Variants in GFRA3 observed in about 807,000 individuals in gnomAD.
GFRA3 encodes GDNF family receptor alpha 3, also known as GDNF family receptor alpha-3.
Under a neutral mutation model 40.0 loss-of-function variants are expected in GFRA3, and 24 were observed. The observed-to-expected ratio is 0.60, with a 90% CI of 0.43 to 0.84. The LOEUF (loss-of-function observed/expected upper bound fraction) is 0.84, where lower values mean the gene tolerates loss of function less well. Among genes scored for constraint, GFRA3 ranks in the 40% least tolerant of loss-of-function variants. The pLI, the probability that GFRA3 is intolerant of heterozygous loss-of-function variation, is 0.00. For missense variants in GFRA3, 405 were observed against 530.6 expected (o/e 0.76, Z 2.33); for synonymous variants, 203 against 213.5 (o/e 0.95, Z 0.43).
intron 2 of GFRA3, among the ~76,000 whole-genome samples, chr5:138,262,458 C>T (rs902955741): frequency 2.0e-5 from 3 of 152,044 alleles, no homozygotes; most frequent in African/African-American, 7.2e-5. Flanking sequence ...TTCATTCATT[C>T]ATTTATTTAT....
chr5:138,272,284 G>A (rs1031838277), intron 1 of GFRA3, among the ~76,000 whole-genome samples: 1 of 151,250 alleles, frequency 6.6e-6, no homozygotes, highest in Non-Finnish European at 1.5e-5. Context: ...GGGATTACAG[G>A]TGTGAGCCAC....
chr5:138,268,833 G>C (rs1287376976), intron 1 of GFRA3, among the ~76,000 whole-genome samples: 1 of 151,114 alleles, frequency 6.6e-6, no homozygotes, highest in South Asian at 2.1e-4. Flanking sequence ...GCTGAGGCAG[G>C]AGAATGGTGT....
rs1341063274 is a variant in GFRA3 at position 138,274,613 on chromosome 5, C to T, written c.-189G>A. 1.8e-5 allele frequency: 22 copies of T among 1,218,240 alleles called. No individual in the cohort carries two copies. Among genetic ancestry groups the T allele is most frequent in the Non-Finnish European group, 2.2e-5 (22 of 979,822 alleles). The allele number at this position is 1,218,240 out of a possible 1,614,324, so 75.5% of individuals were successfully genotyped here. A position where few individuals can be genotyped will look rare whatever the true frequency, so the allele number is the denominator to read the frequency against. On this transcript the variant is annotated 5_prime_UTR_variant, in exon 1 of 8. Coordinates refer to ENST00000274721, the MANE Select transcript of GFRA3 (RefSeq NM_001496.4). Reference sequence around the variant, plus strand: ...GCGCGTCCACACCACGCGCCTCCAGCGCTGGTCCGAGGGACCGCGGGGGTG... The same window carrying T: ...GCGCGTCCACACCACGCGCCTCCAGTGCTGGTCCGAGGGACCGCGGGGGTG...
chr5:138,259,776 A>AGCT, intron 2 of GFRA3, 127 bp from the exon 3 acceptor site: 4 of 701,132 alleles, frequency 5.7e-6, no homozygotes, highest in Non-Finnish European at 1.1e-5. Context: ...CTACCTAACC[A>AGCT]GCTGCAAGCT....
At chr5:138,273,303 A>T (rs1251839337) in intron 1 of GFRA3, among the ~76,000 whole-genome samples, 1 of 152,194 alleles carries the variant, frequency 6.6e-6, no homozygotes, top group African/African-American at 2.4e-5. Context: ...ACTTAACCAG[A>T]TGTCATTGCT....
In GFRA3 at chr5:138,265,956, G is replaced by A. The variant is rs573853119; in HGVS notation, c.92-1408C>T. Among the ~76,000 whole-genome samples the A allele has an allele frequency of 2.3e-4, 35 of 151,838 alleles. No individual in the cohort carries two copies. In the South Asian group the frequency reaches 6.0e-3, roughly 26 times the overall value. On this transcript the variant is annotated intron_variant, in intron 1 of 7. Transcript: ENST00000274721. ...GATGATCTGCCTGCCTTGGCCTCCC[G>A]AAGTGCTGGGATTACAGGCATGAGC...
At chr5:138,253,423 T>A in intron 6 of GFRA3, 48 bp from the exon 7 acceptor site, 1 of 1,182,894 alleles carries the variant, frequency 8.5e-7, no homozygotes, top group Non-Finnish European at 1.2e-6. Context: ...GGGCAGGAGA[T>A]TTCTCAGGCT....
At position 138,274,619 on chromosome 5, in the gene GFRA3, T is replaced by G; in HGVS notation, c.-195A>C. On this transcript the variant is annotated 5_prime_UTR_variant, in exon 1 of 8. Coordinates refer to ENST00000274721, the MANE Select transcript of GFRA3 (RefSeq NM_001496.4). The stretch of plus-strand genomic sequence containing the variant: ...CCACACCACGCGCCTCCAGCGCTGG[T>G]CCGAGGGACCGCGGGGGTGGGGGCG... 4 of 1,196,602 alleles carry G rather than the reference T, an allele frequency of 3.3e-6. No homozygotes were observed. The highest frequency in any genetic ancestry group is 2.1e-6 in the Non-Finnish European group (2 of 967,150). 74.1% of individuals were successfully genotyped at this position (1,196,602 alleles called of 1,614,324 possible).
chr5:138,261,877 C>T (rs938265039), intron 2 of GFRA3, among the ~76,000 whole-genome samples: 8 of 151,902 alleles, frequency 5.3e-5, no homozygotes, highest in Admixed American at 2.6e-4. Context: ...ATCTCTCAGT[C>T]GATTAAGATG....
chr5:138,274,236 G>C, intron 1 of GFRA3, 98 bp downstream of exon 1: 4 of 1,292,446 alleles, frequency 3.1e-6, no homozygotes, highest in Non-Finnish European at 3.9e-6. Context: ...TGCACCGGGA[G>C]GCTGCTGCGC....
At chr5:138,257,464 A>G (rs551277358) in intron 4 of GFRA3, among the ~76,000 whole-genome samples, 175 bp downstream of exon 4, 2 of 152,342 alleles carry the variant, frequency 1.3e-5, no homozygotes, top group African/African-American at 4.8e-5. Flanking sequence ...AAAAAAAGAC[A>G]TATATTCTTT....
chr5:138,270,214 A>AG (rs1213686891), intron 1 of GFRA3, among the ~76,000 whole-genome samples: 1 of 150,628 alleles, frequency 6.6e-6, no homozygotes, highest in Non-Finnish European at 1.5e-5. Context: ...ACAAAAAAAA[A>AG]AAAAAAAAAA....
At chr5:138,263,209 C>T (rs1342608310) in intron 2 of GFRA3, among the ~76,000 whole-genome samples, 3 of 152,042 alleles carry the variant, frequency 2.0e-5, no homozygotes, top group Non-Finnish European at 2.9e-5. Flanking sequence ...TCAAGTGATC[C>T]GCCTGCCTTG....
chr5:138,256,321 G>C (rs1041403997), intron 4 of GFRA3, among the ~76,000 whole-genome samples: 63 of 151,422 alleles, frequency 4.2e-4, no homozygotes, highest in Non-Finnish European at 8.1e-4. Flanking sequence ...GAGGTTAGGA[G>C]ATGGAGATCA....
rs750661782 is a variant in GFRA3, at chr5:138,253,836, G to T, written c.954C>A (p.Cys318Ter). 6.2e-7 allele frequency: 1 copy of T among 1,613,970 alleles called. No homozygotes were observed. The highest frequency in any genetic ancestry group is 8.5e-7 in the Non-Finnish European group (1 of 1,179,856). Reference sequence around the variant, plus strand: ...CCTCCTGCAGGTTGCCACTGCCTCGGCAGGTGCAGCTTAAGGCAACACTGG... The same window carrying T: ...CCTCCTGCAGGTTGCCACTGCCTCGTCAGGTGCAGCTTAAGGCAACACTGG... Reference protein sequence around the residue: ...VNTSVALSCTCRGSGNLQEEC... With the variant: ...VNTSVALSCT The change falls in exon 6 of 8, where the codon TGC becomes TGA. Residue 318 changes from cysteine to a stop codon, truncating the protein, a stop_gained. Transcript: ENST00000274721. LOFTEE classifies it high-confidence loss of function.
Position 138,259,659 on chromosome 5 carries a change from AG to A in GFRA3, c.380-11del. Reference sequence around the variant, plus strand: ...TCCAGCTCATAGTTACCTAGAGACAAGGTGGGGAGCACCAGAATGCTGAGGA... The same window carrying A: ...TCCAGCTCATAGTTACCTAGAGACAAGTGGGGAGCACCAGAATGCTGAGGA... On this transcript the variant is annotated splice_polypyrimidine_tract_variant and intron_variant, in intron 2 of 7. Transcript: ENST00000274721. 1 of 1,186,370 alleles carries A rather than the reference AG, an allele frequency of 8.4e-7. No homozygotes were observed. Among genetic ancestry groups the A allele is most frequent in the Non-Finnish European group, 1.3e-6 (1 of 788,720 alleles). 73.5% of individuals were successfully genotyped at this position (1,186,370 alleles called of 1,614,324 possible). A position where few individuals can be genotyped will look rare whatever the true frequency, so the allele number is the denominator to read the frequency against.
chr5:138,252,954 C>G lies in GFRA3; in HGVS notation c.*14G>C. The G allele has an allele frequency of 6.7e-7, 1 of 1,487,252 alleles. No homozygotes were observed. Among genetic ancestry groups the G allele is most frequent in the Non-Finnish European group, 9.4e-7 (1 of 1,065,282 alleles). The allele number at this position is 1,487,252 out of a possible 1,614,324, so 92.1% of individuals were successfully genotyped here. ...GGGTGTGGTGGAGGGGAAGAGGGCC[C>G]TGGGGAAGTCCAGCTACCATAGGCT... On this transcript the variant is annotated 3_prime_UTR_variant, in exon 8 of 8. Transcript: ENST00000274721.
intron 7 of GFRA3, 23 bp downstream of exon 7, chr5:138,253,264 G>A (rs1370222021): frequency 6.8e-7 from 1 of 1,461,928 alleles, no homozygotes; most frequent in Non-Finnish European, 9.5e-7. Flanking sequence ...AAGGTCTGAG[G>A]GGTGTAACAG....
intron 3 of GFRA3, among the ~76,000 whole-genome samples, chr5:138,258,363 G>A (rs1755665762): frequency 6.6e-6 from 1 of 151,664 alleles, no homozygotes. Context: ...TGTATTTTTA[G>A]TAGAAATGGG....
Sources: gnomAD v4.1 joint callset for allele counts (sites outside exome capture counted in the v4.1 genomes callset) on GRCh38, gnomAD v4.1.1 for gene constraint, MANE v1.5 for transcripts, NCBI Gene and HGNC (gene_info 2026-07-23, HGNC 2026-07-21) for gene names.